The following CD37 variants were observed in gnomAD, a reference collection of about 807,000 sequenced individuals.
The protein encoded by CD37 is CD37 molecule, also known as leukocyte antigen CD37.
CD37 carries 37 observed loss-of-function variants against 38.9 expected under a neutral mutation model. The observed-to-expected ratio is 0.95, with a 90% CI of 0.73 to 1.25. The LOEUF (loss-of-function observed/expected upper bound fraction) is 1.25. Ranked by LOEUF, CD37 falls within the 50% of genes most tolerant of loss-of-function variation. The probability of loss-of-function intolerance (pLI) is 0.00; values close to 1 mark genes in which losing one functional copy is unlikely to be tolerated. For missense variants in CD37, 351 were observed against 360.1 expected (o/e 0.97, Z 0.20); for synonymous variants, 146 against 150.1 (o/e 0.97, Z 0.20).
In CD37 at chr19:49,338,559, C is replaced by A; in HGVS notation, c.448-141C>A. The A allele has an allele frequency of 1.5e-6, 1 of 677,568 alleles. No individual in the cohort carries two copies. The highest frequency in any genetic ancestry group is 2.6e-6 in the Non-Finnish European group (1 of 378,408). 42.0% of individuals were successfully genotyped at this position (677,568 alleles called of 1,614,324 possible). On this transcript the variant is annotated intron_variant, in intron 5 of 7. Transcript: ENST00000323906. The surrounding 1 kb of genome is among the most constrained non-coding windows in gnomAD (Gnocchi z 5.0). ...CCCCTGGCTCCGGCCCCATCGTGAC[C>A]CCAGCCCACTGTCCCCCACTCCACA...
chr19:49,339,960 G>GAGGGCGCAGAATTAGAGGAGGCCTCT lies in CD37; in HGVS notation c.769-291_769-290insAGGGCGCAGAATTAGAGGAGGCCTCT. On this transcript the variant is annotated intron_variant, in intron 7 of 7. Coordinates refer to ENST00000323906, the MANE Select transcript of CD37 (RefSeq NM_001774.3). This position sits in a 1 kb window ranked among gnomAD's most constrained non-coding sequence, Gnocchi z 4.5. Reference sequence around the variant, plus strand: ...CAGAATTAGAGGAGGCACAATTAGAGGCTGAGGCAGAGGGGGAAGACAGAT... The same window carrying GAGGGCGCAGAATTAGAGGAGGCCTCT: ...CAGAATTAGAGGAGGCACAATTAGAGAGGGCGCAGAATTAGAGGAGGCCTCTGCTGAGGCAGAGGGGGAAGACAGAT... 7.1e-7 allele frequency: 1 copy of GAGGGCGCAGAATTAGAGGAGGCCTCT among 1,409,156 alleles called. No individual in the cohort carries two copies. The allele number at this position is 1,409,156 out of a possible 1,614,324, so 87.3% of individuals were successfully genotyped here.
At chr19:49,337,333 T>C (rs1970995227) in intron 4 of CD37, 112 bp downstream of exon 4, 1 of 1,039,186 alleles carries the variant, frequency 9.6e-7, no homozygotes, top group Non-Finnish European at 1.5e-6. Flanking sequence ...CTAACCTAGA[T>C]AAAGAGAAAT....
Position 49,339,643 on chromosome 19 carries a change from C to T in CD37, c.768+230C>T. ...TCCTGCTATTGGCTGCGATCTCCCT[C>T]CCCTTTCTCCGCAGATGACTGTCAT... On this transcript the variant is annotated intron_variant, in intron 7 of 7. Transcript: ENST00000323906. The surrounding 1 kb of genome is among the most constrained non-coding windows in gnomAD (Gnocchi z 4.5). 7.0e-7 allele frequency: 1 copy of T among 1,430,472 alleles called. No individual in the cohort carries two copies. Among genetic ancestry groups the T allele is most frequent in the Non-Finnish European group, 9.1e-7 (1 of 1,097,128 alleles). The allele number at this position is 1,430,472 out of a possible 1,614,324, so 88.6% of individuals were successfully genotyped here. A position where few individuals can be genotyped will look rare whatever the true frequency, so the allele number is the denominator to read the frequency against.
At position 49,340,299 on chromosome 19, in the gene CD37, G is replaced by A. The variant is rs1361284602; in HGVS notation, c.817G>A (p.Val273Ile). The change falls in exon 8 of 8, where the codon GTC becomes ATC. Residue 273 changes from valine to isoleucine, a missense_variant. Transcript: ENST00000323906. Reference protein sequence around the residue: ...SIFLCRNLDHVYNRLARYR With the variant: ...SIFLCRNLDHIYNRLARYR ...ATTCCTGTGCAGAAACCTGGACCAC[G>A]TCTACAACCGGCTCGCTCGATACCG... 2 of 1,613,592 alleles carry A rather than the reference G, an allele frequency of 1.2e-6. No homozygotes were observed. Among genetic ancestry groups the A allele is most frequent in the Non-Finnish European group, 1.7e-6 (2 of 1,179,858 alleles).
At chr19:49,337,125 A>T (rs1204978893) in intron 3 of CD37, 22 bp from the exon 4 acceptor site, 1 of 1,613,870 alleles carries the variant, frequency 6.2e-7, no homozygotes, top group Non-Finnish European at 8.5e-7. Context: ...GGTCAGCCTG[A>T]TCTCTCCACT....
rs1970988825 is a variant in CD37, at chr19:49,337,202, T to C, written c.323T>C (p.Ile108Thr). The C allele has an allele frequency of 6.2e-7, 1 of 1,614,004 alleles. No homozygotes were observed. The highest frequency in any genetic ancestry group is 8.5e-7 in the Non-Finnish European group (1 of 1,179,994). ...ACACAGATCACCCTGGGAATCCTCATCTCCACTCAGCGGGCCCAGGTGAGC... is the reference window on the plus strand; with the variant it reads ...ACACAGATCACCCTGGGAATCCTCACCTCCACTCAGCGGGCCCAGGTGAGC... ...FATQITLGIL[I>T]STQRAQLERS... is the part of the protein sequence containing the mutation. The change falls in exon 4 of 8, where the codon ATC becomes ACC. Residue 108 changes from isoleucine to threonine, a missense_variant. Coordinates refer to ENST00000323906, the MANE Select transcript of CD37 (RefSeq NM_001774.3).
At position 49,337,050 on chromosome 19, in the gene CD37, T is replaced by A. The variant is rs1290285863; in HGVS notation, c.267+17T>A. 1.2e-6 allele frequency: 2 copies of A among 1,613,166 alleles called. No homozygotes were observed. Among genetic ancestry groups the A allele is most frequent in the Non-Finnish European group, 8.5e-7 (1 of 1,179,420 alleles). On this transcript the variant is annotated intron_variant, in intron 3 of 7. Transcript: ENST00000323906. The stretch of plus-strand genomic sequence containing the variant: ...CTGGGCCTGGTGAGTGCACCATCCC[T>A]CTCCGTCCCTAGGAACACTCCTATC...
At position 49,339,778 on chromosome 19, in the gene CD37, G is replaced by C; in HGVS notation, c.768+365G>C. Reference sequence around the variant, plus strand: ...GCCCAGCCTGATCGCTGACGGCGGCGGCGGGCACAGCGGCAGTCTGTGGGG... The same window carrying C: ...GCCCAGCCTGATCGCTGACGGCGGCCGCGGGCACAGCGGCAGTCTGTGGGG... On this transcript the variant is annotated intron_variant, in intron 7 of 7. Coordinates refer to ENST00000323906, the MANE Select transcript of CD37 (RefSeq NM_001774.3). The surrounding 1 kb of genome is among the most constrained non-coding windows in gnomAD (Gnocchi z 4.5). 2.2e-6 allele frequency: 3 copies of C among 1,367,328 alleles called. No homozygotes were observed. Among genetic ancestry groups the C allele is most frequent in the Non-Finnish European group, 2.8e-6 (3 of 1,061,596 alleles). 84.7% of individuals were successfully genotyped at this position (1,367,328 alleles called of 1,614,324 possible). A position where few individuals can be genotyped will look rare whatever the true frequency, so the allele number is the denominator to read the frequency against.
intron 2 of CD37, chr19:49,336,142 AAAT>A (rs1297028865): frequency 1.3e-5 from 4 of 308,318 alleles, no homozygotes; most frequent in African/African-American, 4.3e-5. Context: ...AATAATAGGA[AAAT>A]AATAATGAAG....
rs891408701 is a variant in CD37 at position 49,336,015 on chromosome 19, C to G, written c.142+229C>G. 1.2e-5 allele frequency: 7 copies of G among 578,480 alleles called. No homozygotes were observed. The African/African-American group carries it at 1.3e-4, about 11-fold the overall frequency. The allele number at this position is 578,480 out of a possible 1,614,324, so 35.8% of individuals were successfully genotyped here. ...CATTTCTCAAGCACTTCCTATCTGT[C>G]GGGACTTGTGGCTGGTCAGATGCCC... is the stretch of plus-strand genomic sequence containing the variant. On this transcript the variant is annotated intron_variant, in intron 2 of 7. Coordinates refer to ENST00000323906, the MANE Select transcript of CD37 (RefSeq NM_001774.3).
At chr19:49,337,415 C>T (rs1970997423) in intron 4 of CD37, among the ~76,000 whole-genome samples, 194 bp downstream of exon 4, 1 of 151,970 alleles carries the variant, frequency 6.6e-6, no homozygotes, top group African/African-American at 2.4e-5. Flanking sequence ...AGGTGGGAGT[C>T]CAGGAGTTTG....
intron 7 of CD37, 193 bp from the exon 8 acceptor site, chr19:49,340,057 GC>G (rs1971157697): frequency 2.7e-6 from 4 of 1,505,984 alleles, no homozygotes; most frequent in Non-Finnish European, 3.5e-6. Context: ...CCCACTTGTA[GC>G]AGCTATTCCC....
At position 49,339,093 on chromosome 19, in the gene CD37, C is replaced by T. The variant is rs1246714930; in HGVS notation, c.684+157C>T. ...GGCCCTCTGAAGGGGGCGGGGTCTG[C>T]AGGAAGGGCAGGGCCTAAAGAAAAG... On this transcript the variant is annotated intron_variant, in intron 6 of 7. Coordinates refer to ENST00000323906, the MANE Select transcript of CD37 (RefSeq NM_001774.3). This position sits in a 1 kb window ranked among gnomAD's most constrained non-coding sequence, Gnocchi z 4.5. 6.6e-6 allele frequency among the ~76,000 whole-genome samples: 1 copy of T among 151,936 alleles called. No individual in the cohort carries two copies.
At position 49,338,828 on chromosome 19, in the gene CD37, C is replaced by T. The variant is rs148478478; in HGVS notation, c.576C>T (p.Ile192=). The change falls in exon 6 of 8, where the codon ATC becomes ATT. Residue 192 remains isoleucine, a synonymous_variant. Coordinates refer to ENST00000323906, the MANE Select transcript of CD37 (RefSeq NM_001774.3). This position sits in a 1 kb window ranked among gnomAD's most constrained non-coding sequence, Gnocchi z 5.0. The part of the protein sequence containing the change: ...YNLSATNDST[I]LDKVILPQLS... ...TGTCGGCGACCAACGACTCCACAAT[C>T]CTAGATAAGGTGATCTTGCCCCAGC... is the stretch of plus-strand genomic sequence containing the variant. 302 of 1,614,142 alleles carry T rather than the reference C, an allele frequency of 1.9e-4. No individual in the cohort carries two copies. In the African/African-American group the frequency reaches 3.8e-3, roughly 20 times the overall value.
chr19:49,339,644 C>T lies in CD37; in HGVS notation c.768+231C>T, dbSNP rs1971124689. 1 of 1,430,444 alleles carries T rather than the reference C, an allele frequency of 7.0e-7. No individual in the cohort carries two copies. Among genetic ancestry groups the T allele is most frequent in the South Asian group, 1.5e-5 (1 of 66,778 alleles). 88.6% of individuals were successfully genotyped at this position (1,430,444 alleles called of 1,614,324 possible). ...CCTGCTATTGGCTGCGATCTCCCTC[C>T]CCTTTCTCCGCAGATGACTGTCATG... On this transcript the variant is annotated intron_variant, in intron 7 of 7. Coordinates refer to ENST00000323906, the MANE Select transcript of CD37 (RefSeq NM_001774.3). The surrounding 1 kb of genome is among the most constrained non-coding windows in gnomAD (Gnocchi z 4.5).
intron 4 of CD37, chr19:49,337,487 T>G: frequency 1.6e-6 from 1 of 618,368 alleles, no homozygotes; most frequent in Non-Finnish European, 2.7e-6. Context: ...CCGGGTGTGA[T>G]GGTGTGCACC....
In CD37 at chr19:49,335,781, T is replaced by C; in HGVS notation, c.137T>C (p.Phe46Ser). Reference sequence around the variant, plus strand: ...ATTGACAAGACCAGCTTCGTGTCCTTTGTGGGTGAGGGGGGCTGGGGCAGG... The same window carrying C: ...ATTGACAAGACCAGCTTCGTGTCCTCTGTGGGTGAGGGGGGCTGGGGCAGG... The part of the protein sequence containing the change: ...ILIDKTSFVS[F>S]VGLAFVPLQI... The change falls in exon 2 of 8, where the codon TTT becomes TCT. Residue 46 changes from phenylalanine to serine, a missense_variant. By Grantham distance (155) the Phe-to-Ser change is radical. Coordinates refer to ENST00000323906, the MANE Select transcript of CD37 (RefSeq NM_001774.3). This position sits in a 1 kb window ranked among gnomAD's most constrained non-coding sequence, Gnocchi z 4.6. The C allele has an allele frequency of 1.9e-6, 3 of 1,612,952 alleles. No homozygotes were observed. The highest frequency in any genetic ancestry group is 2.5e-6 in the Non-Finnish European group (3 of 1,179,300).
chr19:49,335,448 CTT>C lies in CD37; in HGVS notation c.-91_-90del, dbSNP rs1970914798. The C allele has an allele frequency of 2.1e-6, 2 of 930,544 alleles. No homozygotes were observed. Among genetic ancestry groups the C allele is most frequent in the African/African-American group, 3.5e-5 (2 of 56,818 alleles). 57.6% of individuals were successfully genotyped at this position (930,544 alleles called of 1,614,324 possible). On this transcript the variant is annotated 5_prime_UTR_variant, in exon 1 of 8. Coordinates refer to ENST00000323906, the MANE Select transcript of CD37 (RefSeq NM_001774.3). The surrounding 1 kb of genome is among the most constrained non-coding windows in gnomAD (Gnocchi z 4.6). ...CTTTCTCTCTCAGCTCTCCGTCTCTCTTTCTCTCTCAGCCTCTTTCTTTCTCC... is the reference window on the plus strand; with the variant it reads ...CTTTCTCTCTCAGCTCTCCGTCTCTCTCTCTCTCAGCCTCTTTCTTTCTCC...
Position 49,337,142 on chromosome 19 carries a change from C to A in CD37, c.268-5C>A. On this transcript the variant is annotated splice_polypyrimidine_tract_variant and splice_region_variant and intron_variant, in intron 3 of 7. Transcript: ENST00000323906. The stretch of plus-strand genomic sequence containing the variant: ...TCAGCCTGATCTCTCCACTCTGCTC[C>A]CCAGTATTTTGGGATGCTGCTGCTC... 3.1e-6 allele frequency: 5 copies of A among 1,614,184 alleles called. No individual in the cohort carries two copies. The Middle Eastern group carries it at 4.9e-4, about 160-fold the overall frequency.
Sources: allele counts gnomAD v4.1 joint callset (sites outside exome capture counted in the v4.1 genomes callset), GRCh38; gene constraint gnomAD v4.1.1; non-coding constraint Gnocchi (gnomAD v3.1); transcripts MANE v1.5; gene names NCBI Gene and HGNC (gene_info 2026-07-23, HGNC 2026-07-21).